Variants in GADL1 observed in about 807,000 individuals in gnomAD.
GADL1 encodes acidic amino acid decarboxylase GADL1.
GADL1 carries 71 observed loss-of-function variants against 69.5 expected under a neutral mutation model. The ratio of observed to expected loss-of-function variants is 1.02; its 90% CI spans 0.84 to 1.25. The LOEUF (loss-of-function observed/expected upper bound fraction) is 1.25. Ranked by LOEUF, GADL1 falls within the 50% of genes most tolerant of loss-of-function variation. GADL1 has a pLI of 0.00. For synonymous variants in GADL1, 254 were observed against 214.4 expected (o/e 1.18, Z -1.62); for missense variants, 737 against 631.8 (o/e 1.17, Z -1.79).
chr3:30,864,506 A>T (rs1261379726), intron 1 of GADL1, among the ~76,000 whole-genome samples: 1 of 151,988 alleles, frequency 6.6e-6, no homozygotes, highest in African/African-American at 2.4e-5. Flanking sequence ...AATTCACACA[A>T]TTATCTAGGA....
chr3:30,864,865 T>C (rs186920543), intron 1 of GADL1, among the ~76,000 whole-genome samples: 1 of 152,140 alleles, frequency 6.6e-6, no homozygotes, highest in East Asian at 1.9e-4. Context: ...GTTACTGCAG[T>C]AGCCTCCCAA....
intron 13 of GADL1, 52 bp downstream of exon 13, chr3:30,786,303 C>T (rs1271805669): frequency 2.7e-6 from 3 of 1,102,840 alleles, no homozygotes; most frequent in South Asian, 2.5e-5. Flanking sequence ...AAATTACCAC[C>T]TTCATCACTG....
chr3:30,808,032 G>C (rs1016549409), intron 11 of GADL1, among the ~76,000 whole-genome samples: 1 of 152,004 alleles, frequency 6.6e-6, no homozygotes, highest in South Asian at 2.1e-4. Flanking sequence ...ACCCCTTCGG[G>C]GGGGAAATAA....
intron 14 of GADL1, among the ~76,000 whole-genome samples, chr3:30,740,733 A>G (rs1695604177): frequency 6.6e-6 from 1 of 151,384 alleles, no homozygotes. Flanking sequence ...ATGCCTATTT[A>G]TGTTCTTTGT....
chr3:30,862,903 G>T (rs1005199837), intron 1 of GADL1, among the ~76,000 whole-genome samples: 1 of 151,916 alleles, frequency 6.6e-6, no homozygotes, highest in Non-Finnish European at 1.5e-5. Context: ...GCAGCATCTT[G>T]TTTAGCATCA....
chr3:30,823,845 C>G (rs997515392), intron 11 of GADL1, among the ~76,000 whole-genome samples: 1 of 151,756 alleles, frequency 6.6e-6, no homozygotes, highest in Non-Finnish European at 1.5e-5. Flanking sequence ...GCTAGAAAGA[C>G]AAAATAACTT....
intron 12 of GADL1, among the ~76,000 whole-genome samples, chr3:30,792,667 G>T (rs1696948875): frequency 6.6e-6 from 1 of 152,148 alleles, no homozygotes; most frequent in African/African-American, 2.4e-5. Flanking sequence ...TTTAATTTCA[G>T]CTAGCCATGC....
At chr3:30,852,185 T>C (rs1209987430) in intron 4 of GADL1, among the ~76,000 whole-genome samples, 1 of 152,134 alleles carries the variant, frequency 6.6e-6, no homozygotes, top group Admixed American at 6.5e-5. Context: ...CACCTACATA[T>C]GTGTCAACTC....
chr3:30,755,146 C>T (rs1219956151), intron 14 of GADL1, among the ~76,000 whole-genome samples: 3 of 152,150 alleles, frequency 2.0e-5, no homozygotes, highest in Non-Finnish European at 4.4e-5. Flanking sequence ...TAGTGAATGT[C>T]ATACAGATGA....
chr3:30,734,931 CT>C (rs1428971641), intron 14 of GADL1, among the ~76,000 whole-genome samples: 1 of 152,170 alleles, frequency 6.6e-6, no homozygotes, highest in Non-Finnish European at 1.5e-5. Flanking sequence ...CTTCATGTTT[CT>C]TAGAGCACCT....
intron 6 of GADL1, 97 bp from the exon 7 acceptor site, chr3:30,844,563 C>A: frequency 1.2e-6 from 1 of 833,584 alleles, no homozygotes; most frequent in South Asian, 1.4e-5. Context: ...TATGGCTGAG[C>A]ACAATCTTTG....
intron 1 of GADL1, among the ~76,000 whole-genome samples, chr3:30,890,094 T>C (rs1009610023): frequency 6.6e-6 from 1 of 152,244 alleles, no homozygotes; most frequent in African/African-American, 2.4e-5. Context: ...TTCCAAACAA[T>C]GCCTCTTTGT....
rs1435971017 is a variant in GADL1 at position 30,778,244 on chromosome 3, A to G, written c.1327T>C (p.Trp443Arg). The G allele has an allele frequency of 6.2e-7, 1 of 1,611,556 alleles. No homozygotes were observed. Among genetic ancestry groups the G allele is most frequent in the Admixed American group, 1.7e-5 (1 of 59,962 alleles). ...TCTCTGAGGCTCGGTGGAATGTACC[A>G]AAAGCAAATATTGGCATATTCAGGC... ...MEPEYANICF[W>R]YIPPSLREME... Residue 443 changes from tryptophan (W) to arginine (R), a missense_variant, in exon 14 of 15, where the codon TGG (tryptophan) becomes CGG (arginine). Trp to Arg is a moderately radical substitution (Grantham distance 101, BLOSUM62 -3). Transcript: ENST00000282538.
chr3:30,737,645 T>C (rs1035305771), intron 14 of GADL1, among the ~76,000 whole-genome samples: 4 of 152,196 alleles, frequency 2.6e-5, no homozygotes, highest in African/African-American at 4.8e-5. Flanking sequence ...GTTTAAATTA[T>C]GTAAAATTGG....
chr3:30,753,729 AAATG>A (rs1158729417), intron 14 of GADL1, among the ~76,000 whole-genome samples: 3 of 151,386 alleles, frequency 2.0e-5, no homozygotes, highest in Non-Finnish European at 4.4e-5. Flanking sequence ...CAAGTACAAT[AAATG>A]AAAACTTAAT....
intron 13 of GADL1, among the ~76,000 whole-genome samples, chr3:30,780,102 G>A (rs1696626546): frequency 6.6e-6 from 1 of 152,122 alleles, no homozygotes; most frequent in Non-Finnish European, 1.5e-5. Context: ...GCCCATAAAT[G>A]GCTTTTCCTG....
In GADL1 at chr3:30,850,857, T is replaced by C. The variant is rs1255009267; in HGVS notation, c.513A>G (p.Glu171=). The change falls in exon 5 of 15, where the codon GAA becomes GAG. Residue 171 remains glutamate, a synonymous_variant. Coordinates refer to ENST00000282538, the MANE Select transcript of GADL1 (RefSeq NM_207359.3). ...CACCTGGGTTAAATATTCCATCCCC[T>C]TCTTTCCAGCCAATAAATTCAATCA... ...KKMIEFIGWK[E]GDGIFNPGGS... is the part of the protein sequence containing the mutation. The C allele has an allele frequency of 3.3e-5, 51 of 1,548,736 alleles. No individual in the cohort carries two copies. The highest frequency in any genetic ancestry group is 4.5e-5 in the Non-Finnish European group (51 of 1,144,542).
At chr3:30,872,182 A>G (rs925292912) in intron 1 of GADL1, among the ~76,000 whole-genome samples, 27 of 152,032 alleles carry the variant, frequency 1.8e-4, no homozygotes, top group Non-Finnish European at 2.9e-4. Context: ...CATGAAAAAA[A>G]TTTGACTTAA....
intron 11 of GADL1, among the ~76,000 whole-genome samples, chr3:30,827,720 T>A (rs938679620): frequency 6.6e-6 from 1 of 151,928 alleles, no homozygotes; most frequent in African/African-American, 2.4e-5. Context: ...ATTATAATTT[T>A]AAAAATACAA....
Sources: gnomAD v4.1 joint callset for allele counts (sites outside exome capture counted in the v4.1 genomes callset) on GRCh38, gnomAD v4.1.1 for gene constraint, MANE v1.5 for transcripts, NCBI Gene and HGNC (gene_info 2026-07-23, HGNC 2026-07-21) for gene names.